The following C3orf20 variants were observed in gnomAD, a reference collection of about 807,000 sequenced individuals.
C3orf20 encodes the protein family with sequence similarity 149 member C.
C3orf20 carries 76 observed loss-of-function variants against 88.3 expected under a neutral mutation model. The observed-to-expected ratio is 0.86, with a 90% CI of 0.72 to 1.04. The LOEUF (loss-of-function observed/expected upper bound fraction) is 1.04. Ranked by LOEUF, C3orf20 falls within the 50% of genes least tolerant of loss-of-function variation. The pLI is 0.00. For synonymous variants in C3orf20, 436 were observed against 437.4 expected (o/e 1.00, Z 0.04); for missense variants, 1,056 against 1,123.3 (o/e 0.94, Z 0.86).
intron 12 of C3orf20, among the ~76,000 whole-genome samples, chr3:14,734,639 G>A (rs1220788620): frequency 1.3e-5 from 2 of 152,010 alleles, no homozygotes; most frequent in Non-Finnish European, 2.9e-5. Context: ...GTTTCATGTG[G>A]AGCTAAAATG....
At chr3:14,709,615 A>C (rs1214412997) in intron 7 of C3orf20, among the ~76,000 whole-genome samples, 1 of 151,968 alleles carries the variant, frequency 6.6e-6, no homozygotes, top group Admixed American at 6.6e-5. Context: ...TTTCTTTATC[A>C]GTTAAGGTGA....
chr3:14,711,672 A>G lies in C3orf20; in HGVS notation c.1161-2335A>G, dbSNP rs561364263. ...TTTTTTTGAGACTGAGTCTCGCTCT[A>G]TTGCCCAGGCTGGAGTGCAGTGGTG... On this transcript the variant is annotated intron_variant, in intron 7 of 16. Transcript: ENST00000253697. Among the ~76,000 whole-genome samples, 8 of 108,934 alleles carry G rather than the reference A, an allele frequency of 7.3e-5. No homozygotes were observed. The Admixed American group carries it at 9.0e-4, about 12-fold the overall frequency. 71.5% of individuals were successfully genotyped at this position (108,934 alleles called of 152,430 possible). A position where few individuals can be genotyped will look rare whatever the true frequency, so the allele number is the denominator to read the frequency against.
intron 12 of C3orf20, among the ~76,000 whole-genome samples, chr3:14,756,859 G>A (rs2035389364): frequency 6.6e-6 from 1 of 152,230 alleles, no homozygotes; most frequent in Non-Finnish European, 1.5e-5. Flanking sequence ...GTTTTGAAGA[G>A]AGTAGTGACA....
intron 12 of C3orf20, among the ~76,000 whole-genome samples, chr3:14,734,703 TATTA>T (rs1231108294): frequency 5.3e-5 from 8 of 152,156 alleles, no homozygotes; most frequent in Admixed American, 1.3e-4. Flanking sequence ...AGGTCAAATT[TATTA>T]ATTTAATTTA....
intron 12 of C3orf20, among the ~76,000 whole-genome samples, chr3:14,734,771 T>G (rs1358993950): frequency 6.6e-6 from 1 of 152,146 alleles, no homozygotes; most frequent in African/African-American, 2.4e-5. Context: ...CTTATTTGTA[T>G]CATTTACTGA....
rs769813103 is a variant in C3orf20 at position 14,757,382 on chromosome 3, G to T, written c.1952G>T (p.Arg651Leu). Residue 651 changes from arginine to leucine, a missense_variant, in exon 13 of 17, where the codon CGC becomes CTC. Coordinates refer to ENST00000253697, the MANE Select transcript of C3orf20 (RefSeq NM_032137.5). ...GCTCCTCCTTGCAGAGGGAAGGCCC[G>T]CGAGGGGCGCAGCCCCACCAGGTGG... ...KAKVTSRGKA[R>L]EGRSPTRWAA... is the part of the protein sequence containing the mutation. 1 of 1,611,050 alleles carries T rather than the reference G, an allele frequency of 6.2e-7. No individual in the cohort carries two copies. Among genetic ancestry groups the T allele is most frequent in the East Asian group, 2.2e-5 (1 of 44,850 alleles).
chr3:14,725,285 A>G (rs1286933210), intron 10 of C3orf20, among the ~76,000 whole-genome samples: 2 of 152,180 alleles, frequency 1.3e-5, no homozygotes, highest in African/African-American at 4.8e-5. Context: ...GGAGCTTCCA[A>G]GAAAATGTGC....
intron 6 of C3orf20, among the ~76,000 whole-genome samples, chr3:14,703,691 G>A (rs1372636933): frequency 6.6e-6 from 1 of 152,170 alleles, no homozygotes. Flanking sequence ...TTACATTTAG[G>A]GCTTTTGTGC....
At chr3:14,678,236 C>T (rs1461332157) in intron 1 of C3orf20, among the ~76,000 whole-genome samples, 1 of 152,216 alleles carries the variant, frequency 6.6e-6, no homozygotes, top group Non-Finnish European at 1.5e-5. Context: ...GCTGACCCTT[C>T]ACACACACCA....
chr3:14,752,884 TTGG>T (rs1465419604), intron 12 of C3orf20, among the ~76,000 whole-genome samples: 2 of 152,324 alleles, frequency 1.3e-5, no homozygotes, highest in African/African-American at 2.4e-5. Context: ...TTTTACACTA[TTGG>T]TGGGAGTGTA....
At chr3:14,720,433 C>A (rs1384781659) in intron 9 of C3orf20, among the ~76,000 whole-genome samples, 1 of 152,168 alleles carries the variant, frequency 6.6e-6, no homozygotes, top group Admixed American at 6.5e-5. Flanking sequence ...AGTCTCCAGA[C>A]TGCAGGGTGT....
intron 7 of C3orf20, among the ~76,000 whole-genome samples, chr3:14,707,786 T>A (rs1467385459): frequency 1.3e-5 from 2 of 151,246 alleles, no homozygotes; most frequent in African/African-American, 4.9e-5. Context: ...CATCGCCAAA[T>A]CCAAGGTTAT....
At chr3:14,680,624 T>G (rs1483774992) in intron 1 of C3orf20, among the ~76,000 whole-genome samples, 2 of 151,790 alleles carry the variant, frequency 1.3e-5, no homozygotes, top group African/African-American at 4.8e-5. Flanking sequence ...TTAAAAAGGG[T>G]GGATTGTATG....
intron 8 of C3orf20, 90 bp downstream of exon 8, chr3:14,714,249 AAAG>A: frequency 7.0e-7 from 1 of 1,427,914 alleles, no homozygotes; most frequent in Non-Finnish European, 9.6e-7. Flanking sequence ...GTCCCTGGTT[AAAG>A]AAGAAGCCAG....
intron 15 of C3orf20, among the ~76,000 whole-genome samples, chr3:14,770,060 G>C (rs973724229): frequency 1.3e-5 from 2 of 152,252 alleles, no homozygotes; most frequent in Admixed American, 6.5e-5. Context: ...CCCTGGGCTG[G>C]GGCTCTAGGG....
intron 12 of C3orf20, among the ~76,000 whole-genome samples, chr3:14,737,172 T>A (rs746936487): frequency 2.0e-5 from 3 of 152,122 alleles, no homozygotes; most frequent in African/African-American, 4.8e-5. Context: ...TTAGAAAAAA[T>A]TCTCAGCTAT....
At chr3:14,749,478 G>T (rs2035158079) in intron 12 of C3orf20, among the ~76,000 whole-genome samples, 1 of 152,148 alleles carries the variant, frequency 6.6e-6, no homozygotes, top group African/African-American at 2.4e-5. Context: ...TGCAGCTTTA[G>T]TTGCATGTTT....
chr3:14,714,367 A>G (rs1290122521), intron 8 of C3orf20, among the ~76,000 whole-genome samples: 1 of 152,146 alleles, frequency 6.6e-6, no homozygotes, highest in African/African-American at 2.4e-5. Context: ...TCTATGTCAC[A>G]GCCAATAAGA....
At chr3:14,717,209 G>A (rs1360740539) in intron 9 of C3orf20, among the ~76,000 whole-genome samples, 1 of 152,164 alleles carries the variant, frequency 6.6e-6, no homozygotes, top group Non-Finnish European at 1.5e-5. Flanking sequence ...CCGGCCTCAT[G>A]GTACTTTCAT....
Sources: allele counts gnomAD v4.1 joint callset (sites outside exome capture counted in the v4.1 genomes callset), GRCh38; gene constraint gnomAD v4.1.1; transcripts MANE v1.5; gene names NCBI Gene and HGNC (gene_info 2026-07-23, HGNC 2026-07-21).